HENMT1: variants seen among roughly 807,000 people sequenced by gnomAD.
HENMT1 encodes HEN methyltransferase 1, also known as small RNA 2'-O-methyltransferase.
In HENMT1, 27 loss-of-function variants were observed where a neutral mutation model predicts 31.1. The observed-to-expected ratio is 0.87, with a 90% confidence interval of 0.64 to 1.20. HENMT1 has a LOEUF of 1.20. HENMT1 is among the 50% of genes most tolerant of loss of function. HENMT1 has a pLI of 0.00. For missense variants in HENMT1, 438 were observed against 469.6 expected (o/e 0.93, Z 0.62); for synonymous variants, 167 against 172.2 (o/e 0.97, Z 0.24).
intron 2 of HENMT1, 64 bp downstream of exon 2, chr1:108,659,800 C>A: frequency 9.4e-7 from 1 of 1,060,090 alleles, no homozygotes; most frequent in Non-Finnish European, 1.4e-6. Context: ...TTGCAATTAT[C>A]TCACAATACA....
intron 4 of HENMT1, 125 bp downstream of exon 4, chr1:108,655,461 A>G: frequency 3.8e-6 from 2 of 522,158 alleles, no homozygotes. Context: ...CTGATTATTC[A>G]GTGAGTTGAA....
chr1:108,657,439 A>T lies in HENMT1; in HGVS notation c.150+12T>A. ...TCTTAATAATTAAATGTTTGGAAAG[A>T]GAAATACCTACCTTCTTAGGCTCAT... On this transcript the variant is annotated intron_variant, in intron 3 of 7. Coordinates refer to ENST00000651461, the MANE Select transcript of HENMT1 (RefSeq NM_001102592.2). 6.3e-7 allele frequency: 1 copy of T among 1,586,860 alleles called. No homozygotes were observed. Among genetic ancestry groups the T allele is most frequent in the Non-Finnish European group, 8.6e-7 (1 of 1,158,218 alleles).
rs1381144120 is a variant in HENMT1 at position 108,658,136 on chromosome 1, T to TTA, written c.22-558_22-557insTA. Among the ~76,000 whole-genome samples, 3 of 149,494 alleles carry TTA rather than the reference T, an allele frequency of 2.0e-5. No homozygotes were observed. In the East Asian group the frequency reaches 5.8e-4, roughly 29 times the overall value. ...ACACACACATATATATATATATATT[T>TTA]TTTTTTTCCCCCCAAGACGGAGTCT... On this transcript the variant is annotated intron_variant, in intron 2 of 7. Transcript: ENST00000651461.
chr1:108,654,843 A>C lies in HENMT1; in HGVS notation c.271T>G (p.Leu91Val). The C allele has an allele frequency of 6.2e-7, 1 of 1,614,108 alleles. No homozygotes were observed. The highest frequency in any genetic ancestry group is 8.5e-7 in the Non-Finnish European group (1 of 1,179,950). ...AGAAAATCCCCCAGGAAAGGAGCTA[A>C]CGAATCCCTGCAAAATAATTATTGA... is the stretch of plus-strand genomic sequence containing the variant. ...EDKLRWRGDS[L>V]APFLGDFLKP... is the part of the protein sequence containing the mutation. The change falls in exon 5 of 8, where the codon TTA becomes GTA. Residue 91 changes from leucine to valine, a missense_variant. Leu to Val is a conservative substitution (Grantham distance 32, BLOSUM62 1). Coordinates refer to ENST00000651461, the MANE Select transcript of HENMT1 (RefSeq NM_001102592.2).
chr1:108,654,912 A>T, intron 4 of HENMT1, 62 bp from the exon 5 acceptor site: 1 of 1,518,704 alleles, frequency 6.6e-7, no homozygotes. Context: ...CTCACCAGCT[A>T]CAGAACTCAG....
rs796795860 is a variant in HENMT1 at position 108,660,937 on chromosome 1, G to A, written c.-79+26C>T. The A allele has an allele frequency of 5.0e-3, 4,373 of 880,358 alleles. 161 individuals are homozygous for A. The African/African-American group carries it at 0.076, about 15-fold the overall frequency. The allele number at this position is 880,358 out of a possible 1,614,324, so 54.5% of individuals were successfully genotyped here. On this transcript the variant is annotated intron_variant, in intron 1 of 7. Coordinates refer to ENST00000651461, the MANE Select transcript of HENMT1 (RefSeq NM_001102592.2). ...AGACTCCGTCTCAAAAAAAAAAAAAGAAAAAGAAAAAGAAACCCTGCTCAC... is the reference window on the plus strand; with the variant it reads ...AGACTCCGTCTCAAAAAAAAAAAAAAAAAAAGAAAAAGAAACCCTGCTCAC...
chr1:108,651,903 T>A (rs749370796), intron 5 of HENMT1, among the ~76,000 whole-genome samples: 40 of 152,316 alleles, frequency 2.6e-4, no homozygotes, highest in African/African-American at 9.4e-4. Flanking sequence ...AAAAAGTCTC[T>A]GAGGTTATAC....
chr1:108,650,335 C>G lies in HENMT1; in HGVS notation c.632G>C (p.Gly211Ala). 6.2e-7 allele frequency: 1 copy of G among 1,614,062 alleles called. No individual in the cohort carries two copies. Among genetic ancestry groups the G allele is most frequent in the Non-Finnish European group, 8.5e-7 (1 of 1,179,982 alleles). ...ATTCTCAGCTCCAGCTGGTGGTTCC[C>G]CGACACCAGTAAACTCCACAGAGTA... ...YDYSVEFTGV[G>A]EPPAGAENVG... The change falls in exon 7 of 8, where the codon GGG becomes GCG. Residue 211 changes from glycine (G) to alanine (A), a missense_variant. Transcript: ENST00000651461.
Position 108,651,027 on chromosome 1 carries a change from T to TA in HENMT1, c.578+2dup. On this transcript the variant is annotated splice_region_variant and intron_variant, in intron 6 of 7. Transcript: ENST00000651461. ...AAATAAACAAAAACCCTTCTGAACT[T>TA]ACCAGGTCTGAAACTCCATTCTGGT... 2 of 1,608,176 alleles carry TA rather than the reference T, an allele frequency of 1.2e-6. No homozygotes were observed. The highest frequency in any genetic ancestry group is 1.7e-6 in the Non-Finnish European group (2 of 1,175,596).
In HENMT1 at chr1:108,655,264, G is replaced by A. The variant is rs146515316; in HGVS notation, c.263+322C>T. 1.1e-3 allele frequency among the ~76,000 whole-genome samples: 175 copies of A among 152,204 alleles called. 1 individual carries two copies. The highest frequency in any genetic ancestry group is 4.1e-3 in the African/African-American group (171 of 41,528). On this transcript the variant is annotated intron_variant, in intron 4 of 7. Transcript: ENST00000651461. ...AATGCAGGCGGTGGCCTGGAGCCTT[G>A]GCCTCAGTGTTCTGGGGCATTTTAA...
chr1:108,652,086 C>CCA lies in HENMT1; in HGVS notation c.399-878_399-877insTG, dbSNP rs200576531. Among the ~76,000 whole-genome samples, 50 of 152,318 alleles carry CCA rather than the reference C, an allele frequency of 3.3e-4. No homozygotes were observed. The East Asian group carries it at 8.1e-3, about 25-fold the overall frequency. On this transcript the variant is annotated intron_variant, in intron 5 of 7. Transcript: ENST00000651461. The stretch of plus-strand genomic sequence containing the variant: ...AATAGGACCAGGCAGAAAGGCTGCA[C>CCA]AGACCTGCTTCAGATTAAAGGAGCC...
At chr1:108,650,069 G>A in intron 7 of HENMT1, 142 bp downstream of exon 7, 2 of 774,928 alleles carry the variant, frequency 2.6e-6, no homozygotes, top group South Asian at 2.8e-5. Context: ...AGTAGTCATG[G>A]GGCCTGAAGA....
At chr1:108,651,748 G>C (rs930059466) in intron 5 of HENMT1, among the ~76,000 whole-genome samples, 1 of 151,360 alleles carries the variant, frequency 6.6e-6, no homozygotes, top group Non-Finnish European at 1.5e-5. Flanking sequence ...AGAAGAGAGG[G>C]GAAGGGAGGG....
Position 108,648,563 on chromosome 1 carries a change from G to C in HENMT1, c.*3C>G. 3 of 1,606,552 alleles carry C rather than the reference G, an allele frequency of 1.9e-6. No homozygotes were observed. Among genetic ancestry groups the C allele is most frequent in the Non-Finnish European group, 2.6e-6 (3 of 1,174,162 alleles). On this transcript the variant is annotated 3_prime_UTR_variant, in exon 8 of 8. Coordinates refer to ENST00000651461, the MANE Select transcript of HENMT1 (RefSeq NM_001102592.2). Reference sequence around the variant, plus strand: ...CCCTGAAATTTCAGGAAATAAACATGGTTCAAAACTCAAACTGTTCATCAA... The same window carrying C: ...CCCTGAAATTTCAGGAAATAAACATCGTTCAAAACTCAAACTGTTCATCAA...
chr1:108,650,145 C>A (rs1658005702), intron 7 of HENMT1, 66 bp downstream of exon 7: 1 of 1,434,012 alleles, frequency 7.0e-7, no homozygotes. Context: ...GATTCTTACT[C>A]CCCAAAAAAG....
intron 4 of HENMT1, among the ~76,000 whole-genome samples, chr1:108,655,266 C>T (rs1252115749): frequency 1.3e-5 from 2 of 152,052 alleles, no homozygotes; most frequent in South Asian, 4.2e-4. Context: ...GGAGCCTTGG[C>T]CTCAGTGTTC....
intron 5 of HENMT1, 54 bp from the exon 6 acceptor site, chr1:108,651,263 T>A (rs1204072951): frequency 7.0e-7 from 1 of 1,437,318 alleles, no homozygotes; most frequent in Non-Finnish European, 9.6e-7. Flanking sequence ...TTGCACCTAT[T>A]TTTCTAATTG....
Position 108,650,480 on chromosome 1 carries a change from T to C in HENMT1, c.579-92A>G, listed in dbSNP as rs1160939695. The stretch of plus-strand genomic sequence containing the variant: ...TTCTGGTCAGCAGTAAAAGAGAACA[T>C]GAAAAATACAATGAACATAAATACT... On this transcript the variant is annotated intron_variant, in intron 6 of 7. Coordinates refer to ENST00000651461, the MANE Select transcript of HENMT1 (RefSeq NM_001102592.2). 8 of 1,109,374 alleles carry C rather than the reference T, an allele frequency of 7.2e-6. No homozygotes were observed. The African/African-American group carries it at 1.3e-4, about 17-fold the overall frequency. The allele number at this position is 1,109,374 out of a possible 1,614,324, so 68.7% of individuals were successfully genotyped here. A position where few individuals can be genotyped will look rare whatever the true frequency, so the allele number is the denominator to read the frequency against.
At position 108,659,973 on chromosome 1, in the gene HENMT1, T is replaced by C; in HGVS notation, c.-78-11A>G. ...TCAGCACTGACTCAGCTGTAATAAA[T>C]ACAAAACCGTTTTTGTAAAGCGATA... is the stretch of plus-strand genomic sequence containing the variant. On this transcript the variant is annotated splice_polypyrimidine_tract_variant and intron_variant, in intron 1 of 7. Transcript: ENST00000651461. 2.1e-6 allele frequency: 3 copies of C among 1,444,868 alleles called. No individual in the cohort carries two copies. Among genetic ancestry groups the C allele is most frequent in the Admixed American group, 2.8e-5 (1 of 35,416 alleles). The allele number at this position is 1,444,868 out of a possible 1,614,324, so 89.5% of individuals were successfully genotyped here. A position where few individuals can be genotyped will look rare whatever the true frequency, so the allele number is the denominator to read the frequency against.
Sources: gnomAD v4.1 joint callset for allele counts (sites outside exome capture counted in the v4.1 genomes callset) on GRCh38, gnomAD v4.1.1 for gene constraint, MANE v1.5 for transcripts, NCBI Gene and HGNC (gene_info 2026-07-23, HGNC 2026-07-21) for gene names.